CFAP58: variants seen among roughly 807,000 people sequenced by gnomAD.
CFAP58 encodes cilia- and flagella-associated protein 58.
Under a neutral mutation model 119.5 loss-of-function variants are expected in CFAP58, and 88 were observed. The observed-to-expected ratio is 0.74, with a 90% CI of 0.62 to 0.88. The LOEUF (loss-of-function observed/expected upper bound fraction) is 0.88, where lower values mean the gene tolerates loss of function less well. Ranked by LOEUF, CFAP58 falls within the 40% of genes least tolerant of loss-of-function variation. The probability of loss-of-function intolerance (pLI) is 0.00; values close to 1 mark genes in which losing one functional copy is unlikely to be tolerated. For synonymous variants in CFAP58, 365 were observed against 366.3 expected, an observed-to-expected ratio of 1.00 and a Z score of 0.04; for missense variants, 990 against 1,021.2, an observed-to-expected ratio of 0.97 and a Z score of 0.42.
At chr10:104,373,296 A>G (rs1174589937) in intron 7 of CFAP58, among the ~76,000 whole-genome samples, 4 of 152,134 alleles carry the variant, frequency 2.6e-5, no homozygotes, top group Non-Finnish European at 5.9e-5. Flanking sequence ...AAAAATATAA[A>G]TCTGTCCAAG....
At chr10:104,411,191 T>G (rs978891944) in intron 15 of CFAP58, among the ~76,000 whole-genome samples, 13 of 152,194 alleles carry the variant, frequency 8.5e-5, no homozygotes, top group African/African-American at 3.1e-4. Flanking sequence ...CTGCTGGCCT[T>G]GGCCTCCCAA....
At chr10:104,431,211 C>T (rs761424278) in intron 15 of CFAP58, among the ~76,000 whole-genome samples, 1 of 152,144 alleles carries the variant, frequency 6.6e-6, no homozygotes, top group African/African-American at 2.4e-5. Context: ...ACACTGAGTA[C>T]CAGGTCTTAT....
chr10:104,447,327 C>A (rs2013125930), intron 15 of CFAP58, among the ~76,000 whole-genome samples: 1 of 151,994 alleles, frequency 6.6e-6, no homozygotes, highest in East Asian at 1.9e-4. Flanking sequence ...TATTATATTT[C>A]TTGAAAAACT....
chr10:104,350,082 A>G (rs2014442365), upstream of CFAP58, among the ~76,000 whole-genome samples: 1 of 152,208 alleles, frequency 6.6e-6, no homozygotes, highest in Non-Finnish European at 1.5e-5. Flanking sequence ...CTGTTGTCAG[A>G]AAATCTTTTA....
chr10:104,399,653 A>C (rs572808942), intron 12 of CFAP58, among the ~76,000 whole-genome samples, 153 bp downstream of exon 12: 15 of 152,198 alleles, frequency 9.9e-5, no homozygotes, highest in African/African-American at 3.4e-4. Context: ...TAATTATGAA[A>C]TATTCACTCC....
upstream of CFAP58, among the ~76,000 whole-genome samples, chr10:104,352,950 T>C (rs748378466): frequency 7.2e-5 from 11 of 152,194 alleles, no homozygotes; most frequent in Admixed American, 2.6e-4. Flanking sequence ...CTGATAAAAA[T>C]TTTGTACATT....
chr10:104,355,821 C>T (rs1288059588), intron 1 of CFAP58, among the ~76,000 whole-genome samples: 1 of 152,212 alleles, frequency 6.6e-6, no homozygotes, highest in African/African-American at 2.4e-5. Flanking sequence ...AGGAACAAAT[C>T]TCTTTTGTTC....
intron 2 of CFAP58, among the ~76,000 whole-genome samples, chr10:104,361,550 T>C (rs1466037525): frequency 2.6e-5 from 4 of 152,256 alleles, no homozygotes; most frequent in Non-Finnish European, 5.9e-5. Context: ...TAAAACTTAT[T>C]TTTTTCCTTT....
chr10:104,425,343 G>A (rs1254963708), intron 15 of CFAP58, among the ~76,000 whole-genome samples: 2 of 152,196 alleles, frequency 1.3e-5, no homozygotes, highest in Non-Finnish European at 2.9e-5. Context: ...ATGTGGTTGA[G>A]TAGCAGGAAG....
chr10:104,350,353 A>C (rs567637349), upstream of CFAP58, among the ~76,000 whole-genome samples: 48 of 152,346 alleles, frequency 3.2e-4, no homozygotes, highest in Non-Finnish European at 3.8e-4. Context: ...TTGATACTAT[A>C]ATGCCACCTA....
intron 16 of CFAP58, among the ~76,000 whole-genome samples, 155 bp downstream of exon 16, chr10:104,447,972 A>G (rs917302037): frequency 6.6e-6 from 1 of 152,246 alleles, no homozygotes; most frequent in Non-Finnish European, 1.5e-5. Context: ...AGGATGAGCC[A>G]GCAGACCTCA....
In CFAP58 at chr10:104,403,758, T is replaced by C. The variant is rs563997112; in HGVS notation, c.2069T>C (p.Leu690Ser). 1 of 1,611,996 alleles carries C rather than the reference T, an allele frequency of 6.2e-7. No homozygotes were observed. The highest frequency in any genetic ancestry group is 1.3e-5 in the African/African-American group (1 of 74,988). Reference protein sequence around the residue: ...RQEFFHMQRELLKERTRCRAL... With the variant: ...RQEFFHMQRESLKERTRCRAL... The stretch of plus-strand genomic sequence containing the variant: ...GAGTTTTTTCACATGCAAAGAGAAT[T>C]GTTGAAGGAGAGGACACGCTGCCGA... The change falls in exon 14 of 18, where the codon TTG becomes TCG. Residue 690 changes from leucine to serine, a missense_variant. Transcript: ENST00000369704.
At chr10:104,422,646 G>A (rs1016855175) in intron 15 of CFAP58, among the ~76,000 whole-genome samples, 1 of 152,188 alleles carries the variant, frequency 6.6e-6, no homozygotes, top group Non-Finnish European at 1.5e-5. Context: ...GTTGGCGAGA[G>A]GGAAGTAGTG....
intron 15 of CFAP58, among the ~76,000 whole-genome samples, chr10:104,433,996 G>A (rs565881613): frequency 1.2e-4 from 19 of 152,264 alleles, no homozygotes; most frequent in African/African-American, 4.6e-4. Flanking sequence ...GCAAACTATT[G>A]GAAGAAGCCA....
chr10:104,419,056 G>T (rs1044328287), intron 15 of CFAP58, among the ~76,000 whole-genome samples: 4 of 152,212 alleles, frequency 2.6e-5, no homozygotes, highest in African/African-American at 9.6e-5. Context: ...TGGTTGAGGA[G>T]GCTGTGTCCC....
chr10:104,368,005 A>G (rs1450655585), intron 5 of CFAP58, among the ~76,000 whole-genome samples: 1 of 152,252 alleles, frequency 6.6e-6, no homozygotes, highest in Non-Finnish European at 1.5e-5. Flanking sequence ...TAGGCATGTT[A>G]ATGCAGGATT....
chr10:104,428,266 C>T (rs760661347), intron 15 of CFAP58, among the ~76,000 whole-genome samples: 21 of 152,172 alleles, frequency 1.4e-4, no homozygotes, highest in African/African-American at 4.3e-4. Flanking sequence ...AGTCGCTCAC[C>T]GGTGCCCTGT....
chr10:104,363,051 T>C (rs893555615), intron 3 of CFAP58, among the ~76,000 whole-genome samples: 3 of 152,230 alleles, frequency 2.0e-5, no homozygotes, highest in Admixed American at 2.0e-4. Context: ...TCAAACACTG[T>C]CTTAACTTCA....
Position 104,447,782 on chromosome 10 carries a change from C to G in CFAP58, c.2341C>G (p.Arg781Gly). 6.2e-7 allele frequency: 1 copy of G among 1,613,972 alleles called. No homozygotes were observed. The highest frequency in any genetic ancestry group is 1.1e-5 in the South Asian group (1 of 91,054). The stretch of plus-strand genomic sequence containing the variant: ...GGCTGCGGAACAGCTGAAGCTGTAC[C>G]GACGCACGCTGCATGACAAGAAGCA... ...PEAAEQLKLYRRTLHDKKQQL... is the reference protein window; with the variant it reads ...PEAAEQLKLYGRTLHDKKQQL... Residue 781 changes from arginine to glycine, a missense_variant, in exon 16 of 18, where the codon CGA becomes GGA. By Grantham distance (125) the Arg-to-Gly change is moderately radical (BLOSUM62 -2). Transcript: ENST00000369704.
Sources: allele counts gnomAD v4.1 joint callset (sites outside exome capture counted in the v4.1 genomes callset), GRCh38; gene constraint gnomAD v4.1.1; transcripts MANE v1.5; gene names NCBI Gene and HGNC (gene_info 2026-07-23, HGNC 2026-07-21).